The following MRTFB variants were observed in gnomAD, a reference collection of about 807,000 sequenced individuals.
MRTFB encodes myocardin related transcription factor B, also known as myocardin-related transcription factor B.
A neutral mutation model predicts 104.2 loss-of-function variants in MRTFB; 29 were observed. The ratio of observed to expected loss-of-function variants is 0.28; its 90% CI spans 0.21 to 0.38. The LOEUF (loss-of-function observed/expected upper bound fraction) is 0.38. Ranked by LOEUF, MRTFB falls within the 10% of genes least tolerant of loss-of-function variation. The probability of loss-of-function intolerance (pLI) is 1.00; values close to 1 mark genes in which losing one functional copy is unlikely to be tolerated. For missense variants in MRTFB, 1,270 were observed against 1,341.6 expected (o/e 0.95, Z 0.83); for synonymous variants, 535 against 519.5 (o/e 1.03, Z -0.41).
At chr16:14,098,806 A>G (rs560665533) in intron 2 of MRTFB, among the ~76,000 whole-genome samples, 1 of 152,318 alleles carries the variant, frequency 6.6e-6, no homozygotes, top group Admixed American at 6.5e-5. Context: ...GCATATGGCT[A>G]TTTAGTTGTT....
chr16:14,078,436 T>TA (rs1308917293), intron 1 of MRTFB, among the ~76,000 whole-genome samples: 1 of 152,078 alleles, frequency 6.6e-6, no homozygotes, highest in Non-Finnish European at 1.5e-5. Context: ...TCTCCCCCTT[T>TA]TTTAGAGACG....
In MRTFB at chr16:14,188,587, G is replaced by T. The variant is rs181056965; in HGVS notation, c.155-21656G>T. Among the ~76,000 whole-genome samples the T allele has an allele frequency of 1.4e-4, 21 of 152,202 alleles. No individual in the cohort carries two copies. In the East Asian group the frequency reaches 4.1e-3, roughly 29 times the overall value. ...CCCTAACAATTCTGACTATGCTTTC[G>T]ATTTATACAGGTGTAATAGTATAAT... On this transcript the variant is annotated intron_variant, in intron 3 of 16. Transcript: ENST00000571589.
chr16:14,186,711 A>G (rs1055791559), intron 3 of MRTFB: 7 of 1,400,250 alleles, frequency 5.0e-6, no homozygotes, highest in East Asian at 2.9e-5. Flanking sequence ...TTCCAGCGGC[A>G]TGAGTGTATT....
chr16:14,157,813 A>C (rs1299752421), intron 3 of MRTFB, among the ~76,000 whole-genome samples: 1 of 152,254 alleles, frequency 6.6e-6, no homozygotes. Flanking sequence ...CACTGAATAA[A>C]GGAAATGTGG....
the MRTFB span, among the ~76,000 whole-genome samples, chr16:14,021,321 C>A: frequency 6.6e-6 from 1 of 152,178 alleles, no homozygotes; most frequent in African/African-American, 2.4e-5. Flanking sequence ...GGTCTTTGAT[C>A]GTAGAGGCAG....
chr16:14,099,514 C>G (rs2035579711), intron 2 of MRTFB, among the ~76,000 whole-genome samples: 1 of 150,522 alleles, frequency 6.6e-6, no homozygotes, highest in Admixed American at 6.6e-5. Flanking sequence ...AGGTGCATAC[C>G]ACCATGTCCG....
the MRTFB span, among the ~76,000 whole-genome samples, chr16:14,063,754 C>T: frequency 2.0e-5 from 3 of 152,274 alleles, no homozygotes; most frequent in African/African-American, 4.8e-5. Context: ...AAACAGCTGT[C>T]GTACCTGTAG....
chr16:14,266,318 G>C lies in MRTFB; in HGVS notation c.*4874G>C, dbSNP rs1391156804. Reference sequence around the variant, plus strand: ...AAGTTTTTTTTCTATGTAGAAATTAGTTTTCTTTTCTTGCTTGCAATAGAA... The same window carrying C: ...AAGTTTTTTTTCTATGTAGAAATTACTTTTCTTTTCTTGCTTGCAATAGAA... On this transcript the variant is annotated 3_prime_UTR_variant, in exon 17 of 17. Coordinates refer to ENST00000571589, the MANE Select transcript of MRTFB (RefSeq NM_001308142.2). 3 of 151,966 alleles carry C rather than the reference G, an allele frequency of 2.0e-5. No homozygotes were observed. Among genetic ancestry groups the C allele is most frequent in the Admixed American group, 1.3e-4 (2 of 15,254 alleles). The allele number at this position is 151,966 out of a possible 1,614,324, so 9.4% of individuals were successfully genotyped here.
intron 3 of MRTFB, among the ~76,000 whole-genome samples, chr16:14,174,244 G>A (rs2039511291): frequency 1.3e-5 from 2 of 152,052 alleles, no homozygotes; most frequent in Admixed American, 6.5e-5. Flanking sequence ...ACTAAGAGTG[G>A]CAGATTAAAG....
chr16:14,232,355 G>T (rs1206107368), intron 8 of MRTFB, among the ~76,000 whole-genome samples: 3 of 152,116 alleles, frequency 2.0e-5, no homozygotes, highest in Non-Finnish European at 4.4e-5. Context: ...ACCACGTAAA[G>T]TCATATTCAG....
the MRTFB span, among the ~76,000 whole-genome samples, chr16:14,047,696 A>T: frequency 8.5e-5 from 13 of 152,320 alleles, no homozygotes; most frequent in African/African-American, 2.6e-4. Context: ...AGAACTCATG[A>T]GACTTATTCA....
At chr16:14,215,547 A>G (rs538025236) in intron 6 of MRTFB, among the ~76,000 whole-genome samples, 3 of 152,356 alleles carry the variant, frequency 2.0e-5, no homozygotes, top group South Asian at 2.1e-4. Context: ...ACATATTGCT[A>G]TCACTTCGGT....
chr16:14,182,909 G>A (rs369308963), intron 3 of MRTFB, among the ~76,000 whole-genome samples: 1 of 152,186 alleles, frequency 6.6e-6, no homozygotes, highest in Non-Finnish European at 1.5e-5. Flanking sequence ...ACCATGTAAA[G>A]AGAATTTTTT....
chr16:14,068,479 T>A (rs149059027), upstream of MRTFB, among the ~76,000 whole-genome samples: 191 of 152,262 alleles, frequency 1.3e-3, no homozygotes, highest in African/African-American at 4.4e-3. Context: ...GCCTTGTTGG[T>A]CACGAAAGGC....
the MRTFB span, among the ~76,000 whole-genome samples, chr16:14,015,049 GT>G: frequency 2.7e-3 from 412 of 152,238 alleles, 1 homozygote; most frequent in Non-Finnish European, 4.5e-3. Context: ...TCATACTATT[GT>G]TTGGTTTTCT....
chr16:14,234,229 T>G lies in MRTFB; in HGVS notation c.777T>G (p.Pro259=). Residue 259 remains proline (P), a synonymous_variant, in exon 9 of 17, where the codon CCT becomes CCG. Coordinates refer to ENST00000571589, the MANE Select transcript of MRTFB (RefSeq NM_001308142.2). The part of the protein sequence containing the change: ...ADQPPPRPAA[P]VLPTNTVSSA... The stretch of plus-strand genomic sequence containing the variant: ...AGCCTCCCCCACGGCCTGCAGCTCC[T>G]GTCCTCCCCACAAACACTGTGTCCT... 1 of 1,614,200 alleles carries G rather than the reference T, an allele frequency of 6.2e-7. No homozygotes were observed. The highest frequency in any genetic ancestry group is 8.5e-7 in the Non-Finnish European group (1 of 1,180,022).
chr16:14,106,103 G>A (rs892419081), intron 2 of MRTFB, among the ~76,000 whole-genome samples: 1 of 152,202 alleles, frequency 6.6e-6, no homozygotes, highest in African/African-American at 2.4e-5. Flanking sequence ...TGTGTGTGTG[G>A]TAGGTACTGT....
intron 8 of MRTFB, among the ~76,000 whole-genome samples, chr16:14,231,947 T>C (rs150553633): frequency 3.8e-4 from 58 of 152,358 alleles, no homozygotes; most frequent in Non-Finnish European, 6.6e-4. Flanking sequence ...TGGGTTATTC[T>C]TGTGTTATGC....
intron 13 of MRTFB, among the ~76,000 whole-genome samples, chr16:14,249,910 C>T (rs1567219290): frequency 1.3e-5 from 2 of 152,208 alleles, no homozygotes; most frequent in Admixed American, 6.5e-5. Flanking sequence ...GCTTTGGGGA[C>T]AGCTGCAGTC....
Sources: allele counts gnomAD v4.1 joint callset (sites outside exome capture counted in the v4.1 genomes callset), GRCh38; gene constraint gnomAD v4.1.1; transcripts MANE v1.5; gene names NCBI Gene and HGNC (gene_info 2026-07-23, HGNC 2026-07-21).